The following PRUNE2 variants were observed in gnomAD, a reference collection of about 807,000 sequenced individuals.
PRUNE2 encodes the protein prune homolog 2 with BCH domain, also known as protein prune homolog 2.
Under a neutral mutation model 252.0 loss-of-function variants are expected in PRUNE2, and 164 were observed. The ratio of observed to expected loss-of-function variants is 0.65; its 90% confidence interval spans 0.57 to 0.74. The LOEUF (loss-of-function observed/expected upper bound fraction) is 0.74. PRUNE2 is among the 30% of genes least tolerant of loss of function. The pLI, the probability that PRUNE2 is intolerant of heterozygous loss-of-function variation, is 0.00. For synonymous variants in PRUNE2, 1,292 were observed against 1,350.2 expected, an observed-to-expected ratio of 0.96 and a Z score of 0.94; for missense variants, 3,495 against 3,711.0, an observed-to-expected ratio of 0.94 and a Z score of 1.51.
At chr9:76,896,336 G>A (rs7027480) in intron 1 of PRUNE2, among the ~76,000 whole-genome samples, 3,989 of 152,298 alleles carry the variant, frequency 0.026, 168 homozygotes, top group African/African-American at 0.091. Flanking sequence ...TAGCCTCAGA[G>A]ATTGCACTTA....
intron 1 of PRUNE2, among the ~76,000 whole-genome samples, chr9:76,866,696 AG>A (rs2060858456): frequency 6.6e-6 from 1 of 151,276 alleles, no homozygotes. Context: ...GAAGGAAGGA[AG>A]AAAGAAAGGA....
chr9:76,850,632 G>A lies in PRUNE2; in HGVS notation c.175C>T (p.Leu59=), dbSNP rs1490595668. 6.8e-6 allele frequency: 11 copies of A among 1,613,926 alleles called. No individual in the cohort carries two copies. The highest frequency in any genetic ancestry group is 1.1e-5 in the South Asian group (1 of 91,066). ...TTGAATTCAGTTCTTGGTATGTTCA[G>A]CACTGGTAAACACAGAACCCCTGGT... ...SPPGVLCLPV[L]NIPRTEFNYF... Residue 59 remains leucine (L), a synonymous_variant, in exon 3 of 19, where the codon CTG becomes TTG. Transcript: ENST00000376718.
intron 6 of PRUNE2, among the ~76,000 whole-genome samples, chr9:76,820,217 C>G (rs1250760577): frequency 2.6e-5 from 4 of 152,206 alleles, no homozygotes; most frequent in Non-Finnish European, 5.9e-5. Context: ...CTCAAAATCT[C>G]ATCCATTCTG....
At chr9:76,685,727 G>A (rs1281458926) in intron 9 of PRUNE2, among the ~76,000 whole-genome samples, 7 of 152,174 alleles carry the variant, frequency 4.6e-5, no homozygotes, top group African/African-American at 1.4e-4. Flanking sequence ...ACAACTGTGA[G>A]AAAATAAATG....
At chr9:76,685,616 G>A (rs1049481530) in intron 9 of PRUNE2, among the ~76,000 whole-genome samples, 1 of 152,138 alleles carries the variant, frequency 6.6e-6, no homozygotes, top group African/African-American at 2.4e-5. Flanking sequence ...AGGGAAGACC[G>A]GAAGACCAGA....
intron 9 of PRUNE2, among the ~76,000 whole-genome samples, chr9:76,660,364 G>T (rs1238995513): frequency 1.3e-5 from 2 of 152,166 alleles, no homozygotes; most frequent in Non-Finnish European, 2.9e-5. Context: ...GTAGGAGCTG[G>T]AGACACTAGC....
rs1292037313 is a variant in PRUNE2, at chr9:76,840,981, C to CA, written c.508+5533dup. On this transcript the variant is annotated intron_variant, in intron 4 of 18. Coordinates refer to ENST00000376718, the MANE Select transcript of PRUNE2 (RefSeq NM_015225.3). Reference sequence around the variant, plus strand: ...GGGCAACAAGCGCGAGACTTCCTCTCAAAAAAAAAAAAAAGATTGTCCCTA... The same window carrying CA: ...GGGCAACAAGCGCGAGACTTCCTCTCAAAAAAAAAAAAAAAGATTGTCCCTA... Among the ~76,000 whole-genome samples the CA allele has an allele frequency of 1.9e-3, 242 of 127,476 alleles. 1 individual carries two copies. The highest frequency in any genetic ancestry group is 5.1e-3 in the East Asian group (23 of 4,492). The allele number at this position is 127,476 out of a possible 152,430, so 83.6% of individuals were successfully genotyped here.
chr9:76,708,475 C>T lies in PRUNE2; in HGVS notation c.3799G>A (p.Ala1267Thr). ...TCACTGGTTCCAGAGGCTGCTGGCG[C>T]ATCTGGGGAATGAGTGTCTTTAACA... ...ANVKDTHSPDAPAASGTSESE... is the reference protein window; with the variant it reads ...ANVKDTHSPDTPAASGTSESE... Residue 1267 changes from alanine to threonine, a missense_variant, in exon 8 of 19, where the codon GCG (alanine) becomes ACG (threonine). By Grantham distance (58) the Ala-to-Thr change is moderately conservative. Transcript: ENST00000376718. 6.2e-7 allele frequency: 1 copy of T among 1,613,916 alleles called. No individual in the cohort carries two copies. Among genetic ancestry groups the T allele is most frequent in the Non-Finnish European group, 8.5e-7 (1 of 1,179,888 alleles).
chr9:76,729,283 C>A (rs1481820391), intron 6 of PRUNE2, among the ~76,000 whole-genome samples: 1 of 152,134 alleles, frequency 6.6e-6, no homozygotes, highest in South Asian at 2.1e-4. Context: ...AATACGGACA[C>A]CTGGGCCCCA....
intron 9 of PRUNE2, among the ~76,000 whole-genome samples, chr9:76,683,683 T>G (rs1402434693): frequency 6.6e-6 from 1 of 152,136 alleles, no homozygotes; most frequent in Non-Finnish European, 1.5e-5. Flanking sequence ...CCTTCATATA[T>G]TTGTTGGATG....
At chr9:76,883,806 G>A (rs575726984) in intron 1 of PRUNE2, among the ~76,000 whole-genome samples, 1 of 152,304 alleles carries the variant, frequency 6.6e-6, no homozygotes, top group South Asian at 2.1e-4. Flanking sequence ...ATGTGACGTT[G>A]TTGCTCCTCT....
At chr9:76,900,473 C>T (rs2154043) in intron 1 of PRUNE2, among the ~76,000 whole-genome samples, 88,605 of 151,940 alleles carry the variant, frequency 0.58, 26,732 homozygotes, top group African/African-American at 0.75. Flanking sequence ...TTTGGGACAA[C>T]GCTAGAGATT....
At chr9:76,765,747 G>C (rs1172149798) in intron 6 of PRUNE2, among the ~76,000 whole-genome samples, 2 of 152,188 alleles carry the variant, frequency 1.3e-5, no homozygotes, top group Non-Finnish European at 2.9e-5. Flanking sequence ...TACATCCACA[G>C]TCACTGTTTA....
Position 76,637,515 on chromosome 9 carries a change from C to T in PRUNE2, c.8866G>A (p.Glu2956Lys), listed in dbSNP as rs2132628970. Residue 2956 changes from glutamate to lysine, a missense_variant, in exon 14 of 19, where the codon GAA becomes AAA. Physicochemically the swap from Glu to Lys is moderately conservative, Grantham distance 56. Coordinates refer to ENST00000376718, the MANE Select transcript of PRUNE2 (RefSeq NM_015225.3). ...VISTLELMVA[E>K]DYMIVYLNGA... ...TTCAAGTACACAATCATATAGTCTT[C>T]AGCTACCATCAACTCTAAAGTACTT... The T allele has an allele frequency of 1.2e-6, 2 of 1,613,412 alleles. No homozygotes were observed. The highest frequency in any genetic ancestry group is 1.7e-5 in the Admixed American group (1 of 60,004).
intron 6 of PRUNE2, among the ~76,000 whole-genome samples, chr9:76,778,103 C>A (rs1027471727): frequency 6.6e-6 from 1 of 152,170 alleles, no homozygotes; most frequent in Admixed American, 6.5e-5. Context: ...TTAAAAAATA[C>A]CAATGACTGG....
chr9:76,647,922 A>G (rs1274707029), intron 11 of PRUNE2, among the ~76,000 whole-genome samples: 3 of 152,208 alleles, frequency 2.0e-5, no homozygotes, highest in Non-Finnish European at 2.9e-5. Context: ...AGATTGCGTC[A>G]CTGCACTCCA....
intron 6 of PRUNE2, among the ~76,000 whole-genome samples, chr9:76,800,867 T>C (rs1194014999): frequency 6.6e-6 from 1 of 152,208 alleles, no homozygotes; most frequent in Non-Finnish European, 1.5e-5. Context: ...AAGATATATT[T>C]TATACTTAAC....
intron 16 of PRUNE2, among the ~76,000 whole-genome samples, chr9:76,626,665 A>G (rs909149388): frequency 3.9e-5 from 6 of 152,206 alleles, no homozygotes; most frequent in Admixed American, 6.5e-5. Flanking sequence ...TTAACTTCTC[A>G]TTTGAACTTT....
At chr9:76,783,467 G>T (rs920239711) in intron 6 of PRUNE2, among the ~76,000 whole-genome samples, 2 of 152,098 alleles carry the variant, frequency 1.3e-5, no homozygotes. Context: ...TCTCTAGAGG[G>T]GACCTCAAGA....
Sources: allele counts gnomAD v4.1 joint callset (sites outside exome capture counted in the v4.1 genomes callset), GRCh38; gene constraint gnomAD v4.1.1; transcripts MANE v1.5; gene names NCBI Gene and HGNC (gene_info 2026-07-23, HGNC 2026-07-21).